EPHA6: variants seen among roughly 807,000 people sequenced by gnomAD.
EPHA6 encodes ephrin type-A receptor 6.
A neutral mutation model predicts 112.0 loss-of-function variants in EPHA6; 50 were observed. That is an observed-to-expected ratio of 0.45 (90% confidence interval 0.36 to 0.56). EPHA6 has a LOEUF of 0.56. Among genes scored for constraint, EPHA6 ranks in the 20% least tolerant of loss-of-function variants. EPHA6 has a pLI of 0.00. For missense variants in EPHA6, 1,280 were observed against 1,417.4 expected, an observed-to-expected ratio of 0.90 and a Z score of 1.56; for synonymous variants, 529 against 490.7, an observed-to-expected ratio of 1.08 and a Z score of -1.03.
At chr3:97,433,261 T>C (rs776724368) in intron 6 of EPHA6, among the ~76,000 whole-genome samples, 3 of 152,192 alleles carry the variant, frequency 2.0e-5, no homozygotes, top group Admixed American at 2.0e-4. Context: ...ATGAGTCTCT[T>C]ACCTTACATA....
At chr3:97,430,953 C>A (rs1390580045) in intron 6 of EPHA6, among the ~76,000 whole-genome samples, 3 of 151,976 alleles carry the variant, frequency 2.0e-5, no homozygotes, top group Non-Finnish European at 4.4e-5. Context: ...TTTGCAGTGA[C>A]CTTGTAGAAT....
chr3:97,699,350 A>C (rs1189018611), intron 14 of EPHA6, among the ~76,000 whole-genome samples: 1 of 152,226 alleles, frequency 6.6e-6, no homozygotes, highest in Non-Finnish European at 1.5e-5. Context: ...AAAAAGAAAT[A>C]ATACTAATAA....
intron 1 of EPHA6, among the ~76,000 whole-genome samples, chr3:96,849,070 A>G (rs1319256082): frequency 1.3e-5 from 2 of 152,154 alleles, no homozygotes; most frequent in South Asian, 2.1e-4. Context: ...GCAGCCTTCA[A>G]AGCTGAAGTA....
chr3:97,261,343 AG>A (rs959450845), intron 5 of EPHA6, among the ~76,000 whole-genome samples: 2 of 152,198 alleles, frequency 1.3e-5, no homozygotes, highest in African/African-American at 4.8e-5. Flanking sequence ...TTTGAGAGTC[AG>A]ATACACCATA....
At chr3:97,622,810 T>A (rs1354508123) in intron 13 of EPHA6, among the ~76,000 whole-genome samples, 2 of 151,830 alleles carry the variant, frequency 1.3e-5, no homozygotes, top group African/African-American at 4.8e-5. Context: ...TCCTGATGGA[T>A]GTGAAGTGGT....
Position 97,031,423 on chromosome 3 carries a change from A to C in EPHA6, c.1114+43430A>C, listed in dbSNP as rs1028009113. 2.0e-4 allele frequency among the ~76,000 whole-genome samples: 31 copies of C among 152,150 alleles called. 1 individual carries two copies. The highest frequency in any genetic ancestry group is 5.8e-4 in the African/African-American group (24 of 41,442). On this transcript the variant is annotated intron_variant, in intron 3 of 17. Transcript: ENST00000389672. ...TGTCTAAAACACCAAAAGCAATGGC[A>C]ACAAAAGCCAAAATTGACAAATGGG...
At chr3:97,420,251 G>A (rs2088506722) in intron 6 of EPHA6, among the ~76,000 whole-genome samples, 1 of 150,330 alleles carries the variant, frequency 6.7e-6, no homozygotes, top group South Asian at 2.1e-4. Flanking sequence ...TGAACCCTTT[G>A]ATACATCATT....
chr3:96,871,078 T>C (rs1041802326), intron 2 of EPHA6, among the ~76,000 whole-genome samples: 1 of 152,142 alleles, frequency 6.6e-6, no homozygotes, highest in Non-Finnish European at 1.5e-5. Context: ...TTTAAATATT[T>C]TTTCTTCTTA....
intron 14 of EPHA6, among the ~76,000 whole-genome samples, chr3:97,702,028 T>C (rs966121454): frequency 6.6e-6 from 1 of 152,170 alleles, no homozygotes; most frequent in African/African-American, 2.4e-5. Context: ...CCATTAAATA[T>C]AAAAACAGAT....
At chr3:97,021,809 C>A (rs2044471355) in intron 3 of EPHA6, among the ~76,000 whole-genome samples, 1 of 152,126 alleles carries the variant, frequency 6.6e-6, no homozygotes, top group South Asian at 2.1e-4. Context: ...AGAGTTTCAA[C>A]CTATGCATTT....
At chr3:97,403,936 C>G (rs1012999878) in intron 5 of EPHA6, among the ~76,000 whole-genome samples, 3 of 151,980 alleles carry the variant, frequency 2.0e-5, no homozygotes, top group African/African-American at 7.3e-5. Flanking sequence ...ATGCATTTTT[C>G]TTCACCTTAC....
At chr3:97,392,851 G>A (rs969745466) in intron 5 of EPHA6, among the ~76,000 whole-genome samples, 1 of 151,160 alleles carries the variant, frequency 6.6e-6, no homozygotes, top group African/African-American at 2.4e-5. Context: ...CTTGGAACAT[G>A]TTGCAAACTT....
chr3:97,384,520 A>G (rs2085944761), intron 5 of EPHA6, among the ~76,000 whole-genome samples: 1 of 152,186 alleles, frequency 6.6e-6, no homozygotes, highest in Non-Finnish European at 1.5e-5. Flanking sequence ...ATTTCAATGG[A>G]GAGGAAACCT....
At chr3:97,236,318 A>G (rs1248516426) in intron 4 of EPHA6, among the ~76,000 whole-genome samples, 1 of 151,938 alleles carries the variant, frequency 6.6e-6, no homozygotes, top group Admixed American at 6.6e-5. Flanking sequence ...AAGTAGGAGA[A>G]GATGGAGAGG....
chr3:96,869,199 G>A (rs1210068263), intron 2 of EPHA6, among the ~76,000 whole-genome samples: 1 of 151,884 alleles, frequency 6.6e-6, no homozygotes, highest in Non-Finnish European at 1.5e-5. Context: ...TTGTGCCTAA[G>A]ACAGATTTTT....
intron 5 of EPHA6, among the ~76,000 whole-genome samples, chr3:97,377,751 G>A (rs2085456020): frequency 6.6e-6 from 1 of 152,194 alleles, no homozygotes. Context: ...TTTTGCCCCT[G>A]CACTACAGAT....
chr3:97,472,785 T>C (rs1169694721), intron 7 of EPHA6, among the ~76,000 whole-genome samples: 1 of 151,806 alleles, frequency 6.6e-6, no homozygotes, highest in Admixed American at 6.6e-5. Flanking sequence ...TGAAATCAAG[T>C]TCAAGCAAGG....
intron 5 of EPHA6, among the ~76,000 whole-genome samples, chr3:97,330,192 C>T (rs1403970106): frequency 1.3e-5 from 2 of 152,020 alleles, no homozygotes; most frequent in Non-Finnish European, 2.9e-5. Flanking sequence ...TGTTTTGGTA[C>T]CAGTACCATG....
At chr3:97,547,511 C>A (rs1189913766) in intron 11 of EPHA6, among the ~76,000 whole-genome samples, 1 of 152,138 alleles carries the variant, frequency 6.6e-6, no homozygotes, top group African/African-American at 2.4e-5. Context: ...ACTTGGGGGT[C>A]AGGGACCCAG....
Sources: allele counts gnomAD v4.1 joint callset (sites outside exome capture counted in the v4.1 genomes callset), GRCh38; gene constraint gnomAD v4.1.1; transcripts MANE v1.5; gene names NCBI Gene and HGNC (gene_info 2026-07-23, HGNC 2026-07-21).